Variants in WDR27 observed in about 807,000 individuals in gnomAD.
WDR27 encodes the protein WD repeat-containing protein 27.
A neutral mutation model predicts 114.4 loss-of-function variants in WDR27; 100 were observed. That is an observed-to-expected ratio of 0.87 (90% CI 0.74 to 1.03). The LOEUF is 1.03. Ranked by LOEUF, WDR27 falls within the 50% of genes least tolerant of loss-of-function variation. The pLI is 0.00. For missense variants in WDR27, 1,129 were observed against 1,092.9 expected (o/e 1.03, Z -0.47); for synonymous variants, 449 against 423.1 (o/e 1.06, Z -0.75).
At chr6:169,648,774 C>T (rs1449719683) in intron 15 of WDR27, among the ~76,000 whole-genome samples, 1 of 152,202 alleles carries the variant, frequency 6.6e-6, no homozygotes, top group Non-Finnish European at 1.5e-5. Context: ...GCAGGACATG[C>T]CCACAGTCAG....
chr6:169,441,870 G>A, the WDR27 span, among the ~76,000 whole-genome samples: 2 of 152,204 alleles, frequency 1.3e-5, no homozygotes, highest in Non-Finnish European at 2.9e-5. Flanking sequence ...AGAGATTCAT[G>A]TATATATTTT....
chr6:169,509,532 G>C (rs552255092), intron 25 of WDR27, among the ~76,000 whole-genome samples: 395 of 151,856 alleles, frequency 2.6e-3, no homozygotes, highest in Non-Finnish European at 4.2e-3. Flanking sequence ...AATGGGGAAA[G>C]GATTCCCTAT....
At chr6:169,502,476 G>A (rs1415568793) in intron 25 of WDR27, among the ~76,000 whole-genome samples, 2 of 152,164 alleles carry the variant, frequency 1.3e-5, no homozygotes, top group African/African-American at 4.8e-5. Context: ...ATTCTTCCGG[G>A]TCTGTAGGTC....
chr6:169,635,540 A>G (rs1169980303), intron 19 of WDR27, among the ~76,000 whole-genome samples: 7 of 152,162 alleles, frequency 4.6e-5, no homozygotes, highest in Non-Finnish European at 8.8e-5. Flanking sequence ...GTGCCACAGG[A>G]TAGATGAGAG....
At chr6:169,542,361 A>G (rs1345290361) in intron 25 of WDR27, among the ~76,000 whole-genome samples, 1 of 152,162 alleles carries the variant, frequency 6.6e-6, no homozygotes, top group Non-Finnish European at 1.5e-5. Context: ...TAAAAGTACA[A>G]CTTTGTTTCT....
intron 20 of WDR27, among the ~76,000 whole-genome samples, chr6:169,633,420 T>C (rs2128218129): frequency 6.6e-6 from 1 of 152,314 alleles, no homozygotes; most frequent in Middle Eastern, 3.4e-3. Flanking sequence ...ATGTAGATAC[T>C]GCACTCAGCA....
At chr6:169,624,241 G>T (rs1362749045) in intron 21 of WDR27, among the ~76,000 whole-genome samples, 8 of 151,924 alleles carry the variant, frequency 5.3e-5, no homozygotes, top group African/African-American at 1.9e-4. Flanking sequence ...GGTGTGCCAT[G>T]TGGGGCGTCA....
At position 169,614,094 on chromosome 6, in the gene WDR27, T is replaced by G. The variant is rs113729888; in HGVS notation, c.2224-438A>C. On this transcript the variant is annotated intron_variant, in intron 21 of 25. Transcript: ENST00000448612. Reference sequence around the variant, plus strand: ...TCAGCAGGCTCCTGCGATGACTATGTGGGTGAACTCCCACGGGGCCTCGAG... The same window carrying G: ...TCAGCAGGCTCCTGCGATGACTATGGGGGTGAACTCCCACGGGGCCTCGAG... Among the ~76,000 whole-genome samples the G allele has an allele frequency of 8.2e-3, 1,252 of 152,302 alleles. 14 individuals are homozygous for G. The highest frequency in any genetic ancestry group is 0.029 in the African/African-American group (1,189 of 41,564).
intron 21 of WDR27, among the ~76,000 whole-genome samples, chr6:169,617,434 G>A (rs936295356): frequency 1.3e-5 from 2 of 152,178 alleles, no homozygotes; most frequent in Non-Finnish European, 2.9e-5. Flanking sequence ...GGAGTGCAAT[G>A]GCACGATCTC....
At chr6:169,652,081 G>A in intron 13 of WDR27, 73 bp from the exon 14 acceptor site, 1 of 1,354,920 alleles carries the variant, frequency 7.4e-7, no homozygotes, top group Non-Finnish European at 1.0e-6. Flanking sequence ...GAGAAGAACA[G>A]AGTCTCTTCA....
chr6:169,641,586 G>C (rs763533271), intron 17 of WDR27, among the ~76,000 whole-genome samples: 1 of 152,178 alleles, frequency 6.6e-6, no homozygotes, highest in Non-Finnish European at 1.5e-5. Flanking sequence ...AGCAGTCAAG[G>C]GTGTGGGGAC....
intron 25 of WDR27, among the ~76,000 whole-genome samples, chr6:169,526,497 C>T (rs1794985571): frequency 2.6e-5 from 4 of 152,034 alleles, no homozygotes; most frequent in African/African-American, 9.7e-5. Flanking sequence ...CCCATAGTCC[C>T]AGCTACTCGG....
intron 25 of WDR27, among the ~76,000 whole-genome samples, chr6:169,548,985 C>A (rs867520656): frequency 3.9e-5 from 6 of 152,128 alleles, no homozygotes; most frequent in South Asian, 4.2e-4. Flanking sequence ...CCTAGATGAC[C>A]TTGGGTATGG....
At chr6:169,461,661 A>C (rs1249557285) in intron 25 of WDR27, among the ~76,000 whole-genome samples, 2 of 151,552 alleles carry the variant, frequency 1.3e-5, no homozygotes, top group Non-Finnish European at 2.9e-5. Flanking sequence ...AAAAAAACAA[A>C]ACAAGAAGAG....
In WDR27 at chr6:169,669,297, TC is replaced by T. The variant is rs1316328473; in HGVS notation, c.457-1113del. Reference sequence around the variant, plus strand: ...CATTCCTCATGTCTGAAAGTCATTCTCCCCGAGTGAAGTGTCTTTCAGTTGA... The same window carrying T: ...CATTCCTCATGTCTGAAAGTCATTCTCCCGAGTGAAGTGTCTTTCAGTTGA... On this transcript the variant is annotated intron_variant, in intron 4 of 25. Coordinates refer to ENST00000448612, the MANE Select transcript of WDR27 (RefSeq NM_182552.5). Among the ~76,000 whole-genome samples, 13 of 152,340 alleles carry T rather than the reference TC, an allele frequency of 8.5e-5. No homozygotes were observed. In the South Asian group the frequency reaches 2.3e-3, roughly 27 times the overall value.
chr6:169,529,312 C>CGG (rs10718481), intron 25 of WDR27, among the ~76,000 whole-genome samples: 1,196 of 114,974 alleles, frequency 0.01, 175 homozygotes, highest in Non-Finnish European at 0.015. Flanking sequence ...GTGACCTCTG[C>CGG]GGGGGGGGGG....
intron 12 of WDR27, 118 bp from the exon 13 acceptor site, chr6:169,658,476 T>G: frequency 1.4e-6 from 1 of 730,012 alleles, no homozygotes; most frequent in Non-Finnish European, 2.4e-6. Context: ...GCTGTGGACA[T>G]AACAGTATCT....
At chr6:169,539,218 C>T (rs528933137) in intron 25 of WDR27, among the ~76,000 whole-genome samples, 2 of 152,308 alleles carry the variant, frequency 1.3e-5, no homozygotes, top group Non-Finnish European at 2.9e-5. Context: ...GTCCCAGTCC[C>T]TTCTGTCCAC....
intron 23 of WDR27, among the ~76,000 whole-genome samples, chr6:169,601,166 T>C (rs1360126965): frequency 3.9e-5 from 6 of 152,152 alleles, no homozygotes; most frequent in Non-Finnish European, 8.8e-5. Context: ...TTCAACATTC[T>C]TAAAGAAAAG....
Sources: gnomAD v4.1 joint callset for allele counts (sites outside exome capture counted in the v4.1 genomes callset) on GRCh38, gnomAD v4.1.1 for gene constraint, MANE v1.5 for transcripts, NCBI Gene and HGNC (gene_info 2026-07-23, HGNC 2026-07-21) for gene names.